SPATA6L: variants seen among roughly 807,000 people sequenced by gnomAD.
The protein encoded by SPATA6L is spermatogenesis associated 6-like protein.
In SPATA6L, 68 loss-of-function variants were observed where a neutral mutation model predicts 49.2. The ratio of observed to expected loss-of-function variants is 1.38; its 90% CI spans 1.14 to 1.69. The LOEUF (loss-of-function observed/expected upper bound fraction) is 1.69. SPATA6L is among the 40% of genes most tolerant of loss of function. The pLI is 0.00. For missense variants in SPATA6L, 668 were observed against 464.3 expected, an observed-to-expected ratio of 1.44 and a Z score of -4.03; for synonymous variants, 198 against 165.7, an observed-to-expected ratio of 1.19 and a Z score of -1.50.
chr9:4,657,316 T>A (rs1367537683), intron 2 of SPATA6L, among the ~76,000 whole-genome samples: 1 of 152,174 alleles, frequency 6.6e-6, no homozygotes, highest in African/African-American at 2.4e-5. Context: ...ATTTTAACAA[T>A]CCTTTCATTT....
At position 4,662,277 on chromosome 9, in the gene SPATA6L, C is replaced by A. The variant is rs1839982015; in HGVS notation, c.40-241G>T. 1 of 1,434,494 alleles carries A rather than the reference C, an allele frequency of 7.0e-7. No homozygotes were observed. 88.9% of individuals were successfully genotyped at this position (1,434,494 alleles called of 1,614,324 possible). On this transcript the variant is annotated intron_variant, in intron 1 of 11. Coordinates refer to ENST00000682582, the MANE Select transcript of SPATA6L (RefSeq NM_001353486.2). The surrounding 1 kb of genome is among the most constrained non-coding windows in gnomAD (Gnocchi z 4.9). Reference sequence around the variant, plus strand: ...TCGCGCTCTCGCCGGCTCCTCTCCCCGCCCCTCCGGGATGGTAGTGCGGAA... The same window carrying A: ...TCGCGCTCTCGCCGGCTCCTCTCCCAGCCCCTCCGGGATGGTAGTGCGGAA...
At chr9:4,609,117 A>G (rs1424237958) in intron 9 of SPATA6L, among the ~76,000 whole-genome samples, 1 of 151,566 alleles carries the variant, frequency 6.6e-6, no homozygotes. Context: ...ATCTCTGAAT[A>G]GACCAATAAC....
intron 9 of SPATA6L, among the ~76,000 whole-genome samples, chr9:4,610,991 A>G (rs374670641): frequency 0.048 from 7,081 of 147,822 alleles, 267 homozygotes; most frequent in Admixed American, 0.083. Flanking sequence ...GGCAAAGGAC[A>G]TGAACAGACA....
chr9:4,597,631 C>A (rs1465889084), downstream of SPATA6L, among the ~76,000 whole-genome samples: 1 of 152,154 alleles, frequency 6.6e-6, no homozygotes, highest in Non-Finnish European at 1.5e-5. Context: ...TAATTTGGTG[C>A]CCCTAGATTC....
intron 9 of SPATA6L, among the ~76,000 whole-genome samples, chr9:4,607,080 G>C (rs966801406): frequency 6.6e-6 from 1 of 151,564 alleles, no homozygotes; most frequent in African/African-American, 2.4e-5. Flanking sequence ...GAAGCGAGAA[G>C]GGAAGTTTAG....
intron 4 of SPATA6L, among the ~76,000 whole-genome samples, chr9:4,634,201 TC>T (rs1832280929): frequency 6.6e-6 from 1 of 152,198 alleles, no homozygotes; most frequent in East Asian, 1.9e-4. Context: ...TAACAGAGTA[TC>T]CCCTACCTAA....
At chr9:4,647,625 T>A (rs534966385) in intron 3 of SPATA6L, among the ~76,000 whole-genome samples, 121 of 152,106 alleles carry the variant, frequency 8.0e-4, no homozygotes, top group East Asian at 2.5e-3. Flanking sequence ...TATATATATA[T>A]AAAACTTTTT....
chr9:4,651,245 C>T (rs1394342231), intron 3 of SPATA6L, among the ~76,000 whole-genome samples: 1 of 151,918 alleles, frequency 6.6e-6, no homozygotes, highest in Admixed American at 6.6e-5. Context: ...CAACTTTATG[C>T]CAATGAATTA....
rs147106207 is a variant in SPATA6L at position 4,604,854 on chromosome 9, C to T, written c.1089+493G>A. ...ATCAGTGACAAAGTACTGGGAATAC[C>T]TACCAATGGATCAGAAGCACTCCCC... On this transcript the variant is annotated intron_variant, in intron 10 of 11. Coordinates refer to ENST00000682582, the MANE Select transcript of SPATA6L (RefSeq NM_001353486.2). 3.4e-3 allele frequency among the ~76,000 whole-genome samples: 512 copies of T among 152,280 alleles called. 4 individuals are homozygous for T. Among genetic ancestry groups the T allele is most frequent in the Middle Eastern group, 0.014 (4 of 294 alleles).
chr9:4,617,053 A>G (rs1828190470), intron 9 of SPATA6L, among the ~76,000 whole-genome samples: 1 of 152,212 alleles, frequency 6.6e-6, no homozygotes, highest in Non-Finnish European at 1.5e-5. Flanking sequence ...GAAAAACACT[A>G]AGAAGGGATT....
intron 1 of SPATA6L, among the ~76,000 whole-genome samples, 168 bp downstream of exon 1, chr9:4,666,044 A>C (rs987688026): frequency 7.0e-6 from 1 of 142,358 alleles, no homozygotes; most frequent in African/African-American, 2.8e-5. Context: ...AAAGGTTAGG[A>C]AGTCAGGGAA....
chr9:4,630,454 G>C (rs924421643), intron 4 of SPATA6L, among the ~76,000 whole-genome samples: 1 of 152,120 alleles, frequency 6.6e-6, no homozygotes, highest in African/African-American at 2.4e-5. Flanking sequence ...CGACTCACCA[G>C]TGGCCCCTCT....
At chr9:4,617,692 G>A (rs1228489262) in intron 9 of SPATA6L, among the ~76,000 whole-genome samples, 1 of 152,000 alleles carries the variant, frequency 6.6e-6, no homozygotes, top group African/African-American at 2.4e-5. Flanking sequence ...AATAAAAATG[G>A]GTAGATAAAT....
At chr9:4,618,181 G>T (rs960402293) in intron 8 of SPATA6L, 71 bp from the exon 9 acceptor site, 2 of 1,358,946 alleles carry the variant, frequency 1.5e-6, no homozygotes, top group Non-Finnish European at 2.0e-6. Flanking sequence ...GGGGGTGGGG[G>T]TTGGACAAGG....
rs1309064600 is a variant in SPATA6L at position 4,662,293 on chromosome 9, T to C, written c.40-257A>G. On this transcript the variant is annotated intron_variant, in intron 1 of 11. Coordinates refer to ENST00000682582, the MANE Select transcript of SPATA6L (RefSeq NM_001353486.2). This position sits in a 1 kb window ranked among gnomAD's most constrained non-coding sequence, Gnocchi z 4.9. ...TCCTCTCCCCGCCCCTCCGGGATGG[T>C]AGTGCGGAAGCGGAAGAGGCTGCAG... 1 of 1,434,302 alleles carries C rather than the reference T, an allele frequency of 7.0e-7. No homozygotes were observed. Among genetic ancestry groups the C allele is most frequent in the East Asian group, 2.5e-5 (1 of 39,634 alleles). The allele number at this position is 1,434,302 out of a possible 1,614,324, so 88.8% of individuals were successfully genotyped here.
rs1011036463 is a variant in SPATA6L at position 4,599,667 on chromosome 9, C to T, written c.*1144G>A. ...TCCTGGGTCAGAGATGGCGCCTTCTCGCTGTCTCCTCGCCAGTGGAAGGGG... is the reference window on the plus strand; with the variant it reads ...TCCTGGGTCAGAGATGGCGCCTTCTTGCTGTCTCCTCGCCAGTGGAAGGGG... On this transcript the variant is annotated 3_prime_UTR_variant, in exon 12 of 12. Coordinates refer to ENST00000682582, the MANE Select transcript of SPATA6L (RefSeq NM_001353486.2). Among the ~76,000 whole-genome samples, 2 of 152,160 alleles carry T rather than the reference C, an allele frequency of 1.3e-5. No homozygotes were observed. Among genetic ancestry groups the T allele is most frequent in the African/African-American group, 2.4e-5 (1 of 41,440 alleles).
Position 4,635,317 on chromosome 9 carries a change from C to T in SPATA6L, c.309G>A (p.Arg103=), listed in dbSNP as rs1443453845. ...PEPKLTPSHP[R]RCREVLMKTA... Reference sequence around the variant, plus strand: ...TCTTCATGAGCACCTCCCTACACCTCCTAGGGTGCGAAGGTGTCAGCTTGG... The same window carrying T: ...TCTTCATGAGCACCTCCCTACACCTTCTAGGGTGCGAAGGTGTCAGCTTGG... The change falls in exon 4 of 12, where the codon AGG becomes AGA. Residue 103 remains arginine (R), a synonymous_variant. Coordinates refer to ENST00000682582, the MANE Select transcript of SPATA6L (RefSeq NM_001353486.2). The T allele has an allele frequency of 1.9e-6, 3 of 1,585,840 alleles. No homozygotes were observed. The highest frequency in any genetic ancestry group is 2.6e-6 in the Non-Finnish European group (3 of 1,170,174).
intron 9 of SPATA6L, among the ~76,000 whole-genome samples, chr9:4,615,721 A>G (rs1827825393): frequency 6.6e-6 from 1 of 152,146 alleles, no homozygotes; most frequent in Admixed American, 6.6e-5. Context: ...CTTCCTGTCT[A>G]GTATGTGAGC....
At position 4,631,675 on chromosome 9, in the gene SPATA6L, G is replaced by A. The variant is rs115666373; in HGVS notation, c.352-2507C>T. On this transcript the variant is annotated intron_variant, in intron 4 of 11. Transcript: ENST00000682582. ...TTATTAATCAATTGATAAATTAGGA[G>A]AAAATAAAGTGAATGATTTGTCTCA... Among the ~76,000 whole-genome samples, 557 of 152,276 alleles carry A rather than the reference G, an allele frequency of 3.7e-3. 2 individuals carry two copies. Among genetic ancestry groups the A allele is most frequent in the African/African-American group, 0.013 (537 of 41,540 alleles).
Sources: gnomAD v4.1 joint callset for allele counts (sites outside exome capture counted in the v4.1 genomes callset) on GRCh38, gnomAD v4.1.1 for gene constraint, Gnocchi (gnomAD v3.1) non-coding constraint, MANE v1.5 for transcripts, NCBI Gene and HGNC (gene_info 2026-07-23, HGNC 2026-07-21) for gene names.